The following HLTF variants were observed in gnomAD, a reference collection of about 807,000 sequenced individuals.
The protein encoded by HLTF is DNA-dependent ATPase/E3 ubiquitin-protein ligase HLTF.
Under a neutral mutation model 129.4 loss-of-function variants are expected in HLTF, and 127 were observed. That is an observed-to-expected ratio of 0.98 (90% CI 0.85 to 1.14). The LOEUF (loss-of-function observed/expected upper bound fraction) is 1.14. HLTF is among the 50% of genes most tolerant of loss of function. The pLI is 0.00. For missense variants in HLTF, 1,139 were observed against 1,187.1 expected (o/e 0.96, Z 0.60); for synonymous variants, 332 against 388.8 (o/e 0.85, Z 1.72).
chr3:149,086,224 A>AG, intron 1 of HLTF, 93 bp downstream of exon 1: 1 of 1,311,290 alleles, frequency 7.6e-7, no homozygotes, highest in Non-Finnish European at 1.1e-6. Context: ...CAAATCGCCC[A>AG]GGGAACGCAG....
chr3:149,030,124 A>C (rs1714877255), downstream of HLTF: 1 of 152,244 alleles, frequency 6.6e-6, no homozygotes, highest in African/African-American at 2.4e-5. Context: ...GAGGAAGGTA[A>C]TAAACATTTG....
At chr3:149,035,701 G>GTCTTAAGAGTCAC (rs1715546296) in intron 23 of HLTF, among the ~76,000 whole-genome samples, 4 of 147,428 alleles carry the variant, frequency 2.7e-5, no homozygotes, top group African/African-American at 7.5e-5. Context: ...TTAAGAGTCA[G>GTCTTAAGAGTCAC]TAAGTCCTAA....
chr3:149,074,094 A>C (rs962292479), intron 4 of HLTF, 121 bp downstream of exon 4: 15 of 925,466 alleles, frequency 1.6e-5, no homozygotes, highest in African/African-American at 3.3e-5. Context: ...ACTCCTGAAA[A>C]AAAGTTGTAC....
At chr3:149,039,813 TCATTTAAAACAA>T (rs1373554170) in intron 21 of HLTF, 120 bp from the exon 22 acceptor site, 7 of 674,614 alleles carry the variant, frequency 1.0e-5, no homozygotes, top group Non-Finnish European at 1.4e-5. Flanking sequence ...AAAAGACTAC[TCATTTAAAACAA>T]AAAATTAAGA....
rs749808291 is a variant in HLTF, at chr3:149,060,727, C to T, written c.1241-40G>A. On this transcript the variant is annotated intron_variant, in intron 11 of 24. Transcript: ENST00000310053. ...AAAATAAACATAAAAATGGGCAAAA[C>T]AGGACATTAGAATATAGGACACATT... is the stretch of plus-strand genomic sequence containing the variant. The T allele has an allele frequency of 5.6e-6, 9 of 1,606,196 alleles. No individual in the cohort carries two copies. The African/African-American group carries it at 6.7e-5, about 12-fold the overall frequency.
In HLTF at chr3:149,039,568, CTG is replaced by C. The variant is rs1427687830; in HGVS notation, c.2615+11_2615+12del. The C allele has an allele frequency of 1.6e-6, 2 of 1,212,586 alleles. No homozygotes were observed. Among genetic ancestry groups the C allele is most frequent in the Admixed American group, 2.0e-5 (1 of 50,064 alleles). 75.1% of individuals were successfully genotyped at this position (1,212,586 alleles called of 1,614,324 possible). ...ATCCTTTTACTGAAAGTGAAAAACA[CTG>C]TGGAACTTACTTAAGTGGTATTTCT... On this transcript the variant is annotated intron_variant, in intron 22 of 24. Transcript: ENST00000310053.
At chr3:149,050,523 A>G (rs919116242) in intron 14 of HLTF, 148 bp from the exon 15 acceptor site, 8 of 454,788 alleles carry the variant, frequency 1.8e-5, no homozygotes, top group African/African-American at 2.0e-5. Flanking sequence ...CTAGACCAAA[A>G]TAATAACAAT....
intron 15 of HLTF, among the ~76,000 whole-genome samples, 171 bp downstream of exon 15, chr3:149,050,061 C>A (rs570823928): frequency 5.1e-4 from 77 of 151,208 alleles, no homozygotes; most frequent in South Asian, 4.2e-4. Flanking sequence ...TAAAATGCAA[C>A]CCTTTCACGC....
At chr3:149,070,978 G>A (rs771911399) in intron 7 of HLTF, among the ~76,000 whole-genome samples, 8 of 151,756 alleles carry the variant, frequency 5.3e-5, no homozygotes, top group Non-Finnish European at 1.0e-4. Context: ...CTGGGAGGCG[G>A]AGGCTGCAGT....
intron 1 of HLTF, among the ~76,000 whole-genome samples, chr3:149,086,029 G>A (rs965975704): frequency 2.6e-5 from 4 of 151,998 alleles, no homozygotes; most frequent in African/African-American, 9.7e-5. Context: ...GGTATCTAAT[G>A]GATGTTTTGT....
At chr3:149,066,955 G>C (rs1336032496) in intron 8 of HLTF, among the ~76,000 whole-genome samples, 1 of 152,042 alleles carries the variant, frequency 6.6e-6, no homozygotes, top group Non-Finnish European at 1.5e-5. Flanking sequence ...CTGATGTACT[G>C]CCTTCTCTGA....
Position 149,039,057 on chromosome 3 carries a change from T to G in HLTF, c.2788A>C (p.Met930Leu), listed in dbSNP as rs1715884673. The G allele has an allele frequency of 6.4e-7, 1 of 1,569,602 alleles. No homozygotes were observed. The highest frequency in any genetic ancestry group is 8.6e-7 in the Non-Finnish European group (1 of 1,161,666). ...TTTACAGAACTACTTACTGGATCCATTAAAAACACTCGAGAAGCTGCAGAC... is the reference window on the plus strand; with the variant it reads ...TTTACAGAACTACTTACTGGATCCAGTAAAAACACTCGAGAAGCTGCAGAC... Reference protein sequence around the residue: ...NLSAASRVFLMDPAWNPAAED... With the variant: ...NLSAASRVFLLDPAWNPAAED... Residue 930 changes from methionine to leucine, a missense_variant, in exon 23 of 25, where the codon ATG (methionine) becomes CTG (leucine). Met to Leu is a conservative substitution (Grantham distance 15). Coordinates refer to ENST00000310053, the MANE Select transcript of HLTF (RefSeq NM_003071.4).
chr3:149,059,727 A>G lies in HLTF; in HGVS notation c.1366T>C (p.Leu456=), dbSNP rs1449811738. ...SSVPTTKKKM[L]KKGACAVEGS... ...AAGGATATTTACTGACCCTTTTTCAACATTTTCTTTTTTGTTGTAGGAACA... is the reference window on the plus strand; with the variant it reads ...AAGGATATTTACTGACCCTTTTTCAGCATTTTCTTTTTTGTTGTAGGAACA... The change falls in exon 13 of 25, where the codon TTG becomes CTG. Residue 456 remains leucine, a synonymous_variant. Coordinates refer to ENST00000310053, the MANE Select transcript of HLTF (RefSeq NM_003071.4). The G allele has an allele frequency of 1.1e-5, 17 of 1,587,896 alleles. No individual in the cohort carries two copies. In the South Asian group the frequency reaches 1.7e-4, roughly 16 times the overall value.
At chr3:149,085,631 T>C (rs1316833518) in intron 1 of HLTF, among the ~76,000 whole-genome samples, 1 of 152,206 alleles carries the variant, frequency 6.6e-6, no homozygotes, top group Non-Finnish European at 1.5e-5. Flanking sequence ...TCCATCACTG[T>C]AACTCCCTGC....
At chr3:149,063,653 A>T in intron 9 of HLTF, 129 bp from the exon 10 acceptor site, 2 of 580,744 alleles carry the variant, frequency 3.4e-6, no homozygotes, top group Non-Finnish European at 3.1e-6. Flanking sequence ...TCCTTTCATT[A>T]CTCTATTTTC....
chr3:149,064,944 C>A, intron 8 of HLTF, 78 bp from the exon 9 acceptor site: 2 of 780,350 alleles, frequency 2.6e-6, no homozygotes, highest in East Asian at 2.7e-5. Context: ...TTTTATATTG[C>A]TTTACTTTGC....
chr3:149,041,809 T>C (rs915497504), intron 19 of HLTF, 141 bp from the exon 20 acceptor site: 1 of 655,796 alleles, frequency 1.5e-6, no homozygotes, highest in East Asian at 2.7e-5. Context: ...ATAATTTAAA[T>C]TTGAAATTTA....
intron 23 of HLTF, among the ~76,000 whole-genome samples, chr3:149,035,850 G>T (rs1559852483): frequency 6.6e-6 from 1 of 151,950 alleles, no homozygotes; most frequent in Non-Finnish European, 1.5e-5. Context: ...AAAATAAAAT[G>T]ATGGGTCCGG....
chr3:149,076,229 T>A (rs568808604), intron 2 of HLTF, among the ~76,000 whole-genome samples, 182 bp from the exon 3 acceptor site: 38 of 152,260 alleles, frequency 2.5e-4, no homozygotes, highest in African/African-American at 8.4e-4. Flanking sequence ...CTCCTTAATA[T>A]TATTTTTCTA....
Sources: allele counts gnomAD v4.1 joint callset (sites outside exome capture counted in the v4.1 genomes callset), GRCh38; gene constraint gnomAD v4.1.1; transcripts MANE v1.5; gene names NCBI Gene and HGNC (gene_info 2026-07-23, HGNC 2026-07-21).